MMP8: variants seen among roughly 807,000 people sequenced by gnomAD.
The protein encoded by MMP8 is matrix metallopeptidase 8, also known as neutrophil collagenase.
Under a neutral mutation model 51.2 loss-of-function variants are expected in MMP8, and 67 were observed. That is an observed-to-expected ratio of 1.31 (90% confidence interval 1.08 to 1.60). The LOEUF (loss-of-function observed/expected upper bound fraction) is 1.60. Ranked by LOEUF, MMP8 falls within the 40% of genes most tolerant of loss-of-function variation. The pLI is 0.00. For synonymous variants in MMP8, 225 were observed against 191.0 expected (o/e 1.18, Z -1.47); for missense variants, 654 against 558.1 (o/e 1.17, Z -1.73).
chr11:102,718,286 C>T, intron 5 of MMP8, 128 bp downstream of exon 5: 1 of 983,732 alleles, frequency 1.0e-6, no homozygotes, highest in Non-Finnish European at 1.5e-6. Flanking sequence ...TGCTTTATTA[C>T]TGGGGAAATT....
At chr11:102,724,263 T>C (rs1861555096) in intron 1 of MMP8, among the ~76,000 whole-genome samples, 1 of 152,178 alleles carries the variant, frequency 6.6e-6, no homozygotes, top group African/African-American at 2.4e-5. Context: ...TTATAAACAG[T>C]CCACAATCTG....
Position 102,715,348 on chromosome 11 carries a change from G to C in MMP8, c.992C>G (p.Ala331Gly). Residue 331 changes from alanine (A) to glycine (G), a missense_variant, in exon 7 of 10, where the codon GCT (alanine) becomes GGT (glycine). By Grantham distance (60) the Ala-to-Gly change is moderately conservative. Coordinates refer to ENST00000236826, the MANE Select transcript of MMP8 (RefSeq NM_002424.3). ...GTCTCTGTCAAAATCTTCATAAGCAGCCTGTATACCAGTTGGAAGGGATGG... is the reference window on the plus strand; with the variant it reads ...GTCTCTGTCAAAATCTTCATAAGCACCCTGTATACCAGTTGGAAGGGATGG... ...FWPSLPTGIQAAYEDFDRDLI... is the reference protein window; with the variant it reads ...FWPSLPTGIQGAYEDFDRDLI... The C allele has an allele frequency of 4.3e-6, 7 of 1,613,452 alleles. No individual in the cohort carries two copies. The South Asian group carries it at 7.7e-5, about 18-fold the overall frequency.
rs1861155845 is a variant in MMP8, at chr11:102,712,556, C to T, written c.*792G>A. The T allele has an allele frequency of 6.6e-6, 1 of 152,152 alleles. No individual in the cohort carries two copies. Among genetic ancestry groups the T allele is most frequent in the South Asian group, 2.1e-4 (1 of 4,828 alleles). The allele number at this position is 152,152 out of a possible 1,614,324, so 9.4% of individuals were successfully genotyped here. ...GCTATTGGAGGGAATCCTTCCTTGC[C>T]TCTTCAAAGCTTCTACTGGTGGCTT... On this transcript the variant is annotated 3_prime_UTR_variant, in exon 10 of 10. Transcript: ENST00000236826.
In MMP8 at chr11:102,713,173, C is replaced by T. The variant is rs1006536693; in HGVS notation, c.*175G>A. 3.5e-6 allele frequency: 2 copies of T among 564,870 alleles called. No individual in the cohort carries two copies. Among genetic ancestry groups the T allele is most frequent in the Non-Finnish European group, 6.3e-6 (2 of 317,136 alleles). The allele number at this position is 564,870 out of a possible 1,614,324, so 35.0% of individuals were successfully genotyped here. A position where few individuals can be genotyped will look rare whatever the true frequency, so the allele number is the denominator to read the frequency against. On this transcript the variant is annotated 3_prime_UTR_variant, in exon 10 of 10. Transcript: ENST00000236826. Reference sequence around the variant, plus strand: ...TGTGTAAGAACTGAATAAGCCTCTGCAAATAGTGGAATATTCCAAACATAT... The same window carrying T: ...TGTGTAAGAACTGAATAAGCCTCTGTAAATAGTGGAATATTCCAAACATAT...
In MMP8 at chr11:102,721,408, G is replaced by A. The variant is rs780732000; in HGVS notation, c.615C>T (p.Thr205=). The change falls in exon 4 of 10, where the codon ACC becomes ACT. Residue 205 remains threonine, a synonymous_variant. Transcript: ENST00000236826. ...TAATCTTGATTAACTTACTTGCGGA[G>A]GTGTTGGTCCATGTTTCTTCGGCAT... ...HFDAEETWTN[T]SANYNLFLVA... 5 of 1,613,428 alleles carry A rather than the reference G, an allele frequency of 3.1e-6. No individual in the cohort carries two copies. The highest frequency in any genetic ancestry group is 3.4e-6 in the Non-Finnish European group (4 of 1,179,716).
At chr11:102,716,013 T>TG (rs1354865819) in intron 6 of MMP8, among the ~76,000 whole-genome samples, 2 of 151,932 alleles carry the variant, frequency 1.3e-5, no homozygotes, top group Non-Finnish European at 2.9e-5. Flanking sequence ...AATGTTTTCA[T>TG]GTTTTTTTTT....
intron 8 of MMP8, 70 bp downstream of exon 8, chr11:102,714,486 C>A: frequency 9.1e-7 from 1 of 1,098,032 alleles, no homozygotes; most frequent in South Asian, 3.1e-5. Context: ...CCTTGAAATG[C>A]TTGAAGGTTT....
chr11:102,714,340 A>G (rs951513703), intron 8 of MMP8, among the ~76,000 whole-genome samples: 1 of 152,138 alleles, frequency 6.6e-6, no homozygotes, highest in Non-Finnish European at 1.5e-5. Context: ...TTGATGCAGA[A>G]TCCTCAATAC....
At position 102,713,461 on chromosome 11, in the gene MMP8, T is replaced by TA; in HGVS notation, c.1295-5dup. 2 of 1,595,316 alleles carry TA rather than the reference T, an allele frequency of 1.3e-6. No individual in the cohort carries two copies. Among genetic ancestry groups the TA allele is most frequent in the Non-Finnish European group, 1.7e-6 (2 of 1,163,918 alleles). The stretch of plus-strand genomic sequence containing the variant: ...CCACTGAAGACATGGAAGAAATCTA[T>TA]AAAAAAAGAGAGATAATTTATTGAA... On this transcript the variant is annotated splice_polypyrimidine_tract_variant and splice_region_variant and intron_variant, in intron 9 of 9. Transcript: ENST00000236826.
chr11:102,713,467 A>G lies in MMP8; in HGVS notation c.1295-10T>C, dbSNP rs1861186406. 1 of 1,587,342 alleles carries G rather than the reference A, an allele frequency of 6.3e-7. No homozygotes were observed. The highest frequency in any genetic ancestry group is 1.3e-5 in the African/African-American group (1 of 74,340). ...AAGACATGGAAGAAATCTATAAAAA[A>G]AGAGAGATAATTTATTGAATTAGCT... On this transcript the variant is annotated splice_polypyrimidine_tract_variant and intron_variant, in intron 9 of 9. Transcript: ENST00000236826.
chr11:102,722,317 G>C (rs1325948523), intron 2 of MMP8, 112 bp downstream of exon 2: 3 of 1,157,432 alleles, frequency 2.6e-6, no homozygotes, highest in Non-Finnish European at 1.2e-6. Context: ...CTCTTCAAAG[G>C]CAGGGATATT....
rs548138589 is a variant in MMP8, at chr11:102,719,981, G to A, written c.623-1406C>T. On this transcript the variant is annotated intron_variant, in intron 4 of 9. Coordinates refer to ENST00000236826, the MANE Select transcript of MMP8 (RefSeq NM_002424.3). ...CAAGATGAGAGAGATTTTAAAAGGT[G>A]GTGCGTGGGGCATGGGAAGAGTATT... 2.0e-5 allele frequency among the ~76,000 whole-genome samples: 3 copies of A among 152,312 alleles called. No homozygotes were observed. The South Asian group carries it at 6.2e-4, about 32-fold the overall frequency.
intron 7 of MMP8, 58 bp from the exon 8 acceptor site, chr11:102,714,767 T>C: frequency 6.0e-5 from 1 of 16,738 alleles, no homozygotes; most frequent in Non-Finnish European, 1.0e-4. Context: ...CAAAATTATA[T>C]ATATATATAT....
At chr11:102,718,169 C>T (rs1861358161) in intron 5 of MMP8, among the ~76,000 whole-genome samples, 1 of 151,946 alleles carries the variant, frequency 6.6e-6, no homozygotes, top group Non-Finnish European at 1.5e-5. Flanking sequence ...AAAAAATCCC[C>T]ACCATCCAAA....
intron 9 of MMP8, 58 bp downstream of exon 9, chr11:102,713,696 T>C (rs540436902): frequency 7.1e-7 from 1 of 1,404,682 alleles, no homozygotes; most frequent in South Asian, 1.3e-5. Context: ...TAAGACCCTG[T>C]CTCCTCTATA....
chr11:102,720,531 G>A (rs1001911813), intron 4 of MMP8, among the ~76,000 whole-genome samples: 3 of 152,192 alleles, frequency 2.0e-5, no homozygotes, highest in Non-Finnish European at 4.4e-5. Flanking sequence ...CAGGTGCCAA[G>A]CAAAGGTAAA....
At chr11:102,718,108 C>T (rs1048314927) in intron 5 of MMP8, among the ~76,000 whole-genome samples, 1 of 150,888 alleles carries the variant, frequency 6.6e-6, no homozygotes, top group African/African-American at 2.5e-5. Flanking sequence ...CTCCATCCCC[C>T]CCCCCAAAAA....
intron 9 of MMP8, 119 bp from the exon 10 acceptor site, chr11:102,713,576 A>C: frequency 9.5e-7 from 1 of 1,051,056 alleles, no homozygotes; most frequent in Non-Finnish European, 1.4e-6. Context: ...CTATTTAAAA[A>C]ATTTAAACAC....
intron 1 of MMP8, chr11:102,723,027 T>C (rs1437097158): frequency 7.7e-7 from 1 of 1,295,212 alleles, no homozygotes; most frequent in Admixed American, 2.3e-5. Flanking sequence ...GTTGCATCAG[T>C]GCAGTTCCTC....
Sources: allele counts gnomAD v4.1 joint callset (sites outside exome capture counted in the v4.1 genomes callset), GRCh38; gene constraint gnomAD v4.1.1; transcripts MANE v1.5; gene names NCBI Gene and HGNC (gene_info 2026-07-23, HGNC 2026-07-21).